Variants in EBF3 observed in about 807,000 individuals in gnomAD.
The protein encoded by EBF3 is EBF transcription factor 3.
EBF3 carries 18 observed loss-of-function variants against 77.1 expected under a neutral mutation model. The ratio of observed to expected loss-of-function variants is 0.23; its 90% CI spans 0.16 to 0.35. EBF3 has a LOEUF of 0.35. Ranked by LOEUF, EBF3 falls within the 10% of genes least tolerant of loss-of-function variation. The probability of loss-of-function intolerance (pLI) is 1.00; values close to 1 mark genes in which losing one functional copy is unlikely to be tolerated. For synonymous variants in EBF3, 350 were observed against 343.5 expected (o/e 1.02, Z -0.21); for missense variants, 558 against 860.0 (o/e 0.65, Z 4.39).
In EBF3 at chr10:129,887,816, G is replaced by A. The variant is rs545961077; in HGVS notation, c.555-9967C>T. ...TGCCAGCCCCAAGAAGAGAGGCGCC[G>A]CGGCCCTGATCTCCTTTCAGAGCGT... On this transcript the variant is annotated intron_variant, in intron 6 of 16. Transcript: ENST00000440978. Among the ~76,000 whole-genome samples, 11 of 152,178 alleles carry A rather than the reference G, an allele frequency of 7.2e-5. No individual in the cohort carries two copies. In the South Asian group the frequency reaches 2.1e-3, roughly 29 times the overall value.
chr10:129,951,638 C>T (rs1235477792), intron 6 of EBF3, among the ~76,000 whole-genome samples: 2 of 152,252 alleles, frequency 1.3e-5, no homozygotes, highest in East Asian at 1.9e-4. Context: ...CCATAAATCT[C>T]GCAGGCCTCC....
At chr10:129,928,290 T>G (rs1342396095) in intron 6 of EBF3, among the ~76,000 whole-genome samples, 3 of 152,190 alleles carry the variant, frequency 2.0e-5, no homozygotes, top group Non-Finnish European at 4.4e-5. Flanking sequence ...ATATAAAAAT[T>G]AATTATAAAC....
At chr10:129,957,464 A>T (rs934735441) in intron 5 of EBF3, 138 bp from the exon 6 acceptor site, 1 of 673,186 alleles carries the variant, frequency 1.5e-6, no homozygotes, top group Non-Finnish European at 2.5e-6. Context: ...ATTTAAACCC[A>T]GTGAGTTCAC....
rs568474321 is a variant in EBF3 at position 129,839,070 on chromosome 10, A to G, written c.1872+13T>C. ...CGGATGTTGTGAAGACAATGATTTC[A>G]AATCACTGATACCTTTCCAGTTCCT... On this transcript the variant is annotated intron_variant, in intron 16 of 16. Transcript: ENST00000440978. 110 of 1,304,462 alleles carry G rather than the reference A, an allele frequency of 8.4e-5. No individual in the cohort carries two copies. Among genetic ancestry groups the G allele is most frequent in the Non-Finnish European group, 1.1e-4 (108 of 988,982 alleles). The allele number at this position is 1,304,462 out of a possible 1,614,324, so 80.8% of individuals were successfully genotyped here. A position where few individuals can be genotyped will look rare whatever the true frequency, so the allele number is the denominator to read the frequency against.
In EBF3 at chr10:129,861,165, G is replaced by A. The variant is rs573519996; in HGVS notation, c.1039+5976C>T. ...TCATGGTTTGGGTTGATGCTGTGCCGTAGCAGTGGGGAGGACAGCGGTGGG... is the reference window on the plus strand; with the variant it reads ...TCATGGTTTGGGTTGATGCTGTGCCATAGCAGTGGGGAGGACAGCGGTGGG... On this transcript the variant is annotated intron_variant, in intron 10 of 16. Transcript: ENST00000440978. The surrounding 1 kb of genome is among the most constrained non-coding windows in gnomAD (Gnocchi z 4.3). 7.2e-5 allele frequency among the ~76,000 whole-genome samples: 11 copies of A among 152,274 alleles called. No homozygotes were observed. Among genetic ancestry groups the A allele is most frequent in the African/African-American group, 2.2e-4 (9 of 41,552 alleles).
intron 6 of EBF3, among the ~76,000 whole-genome samples, chr10:129,927,998 C>T (rs1406994983): frequency 6.6e-6 from 1 of 152,168 alleles, no homozygotes; most frequent in East Asian, 1.9e-4. Context: ...TTCTCCAGGC[C>T]CCCACTGTCT....
intron 6 of EBF3, among the ~76,000 whole-genome samples, chr10:129,904,393 T>C (rs16909986): frequency 0.094 from 14,345 of 152,202 alleles, 888 homozygotes; most frequent in East Asian, 0.24. Context: ...GCTATGAATA[T>C]GGAGATGGAT....
At chr10:129,853,616 G>T (rs1004378405) in intron 10 of EBF3, among the ~76,000 whole-genome samples, 1 of 152,212 alleles carries the variant, frequency 6.6e-6, no homozygotes, top group Non-Finnish European at 1.5e-5. Context: ...ATAAGATATA[G>T]TATATTTTAC....
chr10:129,868,090 A>G (rs1481115060), intron 8 of EBF3, among the ~76,000 whole-genome samples, 178 bp from the exon 9 acceptor site: 1 of 152,398 alleles, frequency 6.6e-6, no homozygotes. Flanking sequence ...AAACTATTAA[A>G]TGTTTTATAA....
At chr10:129,926,573 G>T (rs1406470380) in intron 6 of EBF3, among the ~76,000 whole-genome samples, 1 of 152,222 alleles carries the variant, frequency 6.6e-6, no homozygotes, top group Admixed American at 6.5e-5. Context: ...GGCTTGGGGG[G>T]TGGAGACAGC....
In EBF3 at chr10:129,885,839, T is replaced by G. The variant is rs1052134540; in HGVS notation, c.555-7990A>C. 2.6e-5 allele frequency among the ~76,000 whole-genome samples: 4 copies of G among 152,108 alleles called. No individual in the cohort carries two copies. Among genetic ancestry groups the G allele is most frequent in the Admixed American group, 6.5e-5 (1 of 15,272 alleles). On this transcript the variant is annotated intron_variant, in intron 6 of 16. Coordinates refer to ENST00000440978, the MANE Select transcript of EBF3 (RefSeq NM_001375380.1). This position sits in a 1 kb window ranked among gnomAD's most constrained non-coding sequence, Gnocchi z 4.0. ...ACTTGTTGCCAGCTCCAGGGGAGGC[T>G]TTTACAGGTTATGCAGAGATTAAGT...
chr10:129,865,747 A>G (rs1162799688), intron 10 of EBF3, among the ~76,000 whole-genome samples: 1 of 152,254 alleles, frequency 6.6e-6, no homozygotes, highest in Non-Finnish European at 1.5e-5. Flanking sequence ...AGAAGGGAAG[A>G]GGCTGAAGGA....
chr10:129,850,492 C>T (rs922175680), intron 10 of EBF3, among the ~76,000 whole-genome samples: 1 of 152,148 alleles, frequency 6.6e-6, no homozygotes, highest in Non-Finnish European at 1.5e-5. Context: ...CAAGAATAAG[C>T]GCGGCACTCC....
At chr10:129,840,192 C>T in intron 15 of EBF3, 53 bp downstream of exon 15, 1 of 773,792 alleles carries the variant, frequency 1.3e-6, no homozygotes, top group Non-Finnish European at 2.1e-6. Flanking sequence ...CCACTCCCAT[C>T]CCCACCCCTG....
At chr10:129,913,454 T>C (rs1489956693) in intron 6 of EBF3, among the ~76,000 whole-genome samples, 2 of 152,226 alleles carry the variant, frequency 1.3e-5, no homozygotes, top group African/African-American at 4.8e-5. Context: ...CTTGGATGAA[T>C]AAACATGGAT....
chr10:129,964,181 G>C lies in EBF3; in HGVS notation c.-413C>G, dbSNP rs1015418592. 1.0e-6 allele frequency: 1 copy of C among 984,802 alleles called. No individual in the cohort carries two copies. Among genetic ancestry groups the C allele is most frequent in the Admixed American group, 6.2e-5 (1 of 16,226 alleles). The allele number at this position is 984,802 out of a possible 1,614,324, so 61.0% of individuals were successfully genotyped here. ...TAAACGGGGCAGTGAGTGCTGCGGC[G>C]CAGTCCCGGGCGCAGGCGGGGCGCG... is the stretch of plus-strand genomic sequence containing the variant. On this transcript the variant is annotated 5_prime_UTR_variant, in exon 1 of 17. Coordinates refer to ENST00000440978, the MANE Select transcript of EBF3 (RefSeq NM_001375380.1). The surrounding 1 kb of genome is among the most constrained non-coding windows in gnomAD (Gnocchi z 4.5).
chr10:129,840,519 T>C, intron 14 of EBF3, 77 bp from the exon 15 acceptor site: 2 of 1,474,116 alleles, frequency 1.4e-6, no homozygotes, highest in Non-Finnish European at 1.8e-6. Flanking sequence ...AGGCCTCGCC[T>C]CGGACGGGGG....
At chr10:129,959,597 C>T (rs1859330488) in intron 4 of EBF3, among the ~76,000 whole-genome samples, 1 of 151,946 alleles carries the variant, frequency 6.6e-6, no homozygotes, top group African/African-American at 2.4e-5. Context: ...CCGCGGCTTC[C>T]CGCGGCTTCC....
chr10:129,848,349 G>A lies in EBF3; in HGVS notation c.1128+43C>T, dbSNP rs1453694649. ...CCCCCAAACCAGAACCAGCCCAGTG[G>A]CGGCCCCACCATGAGCGGGGTGCCA... is the stretch of plus-strand genomic sequence containing the variant. On this transcript the variant is annotated intron_variant, in intron 11 of 16. Transcript: ENST00000440978. The surrounding 1 kb of genome is among the most constrained non-coding windows in gnomAD (Gnocchi z 4.4). The A allele has an allele frequency of 6.3e-7, 1 of 1,594,816 alleles. No homozygotes were observed. Among genetic ancestry groups the A allele is most frequent in the African/African-American group, 1.3e-5 (1 of 74,508 alleles).
Sources: gnomAD v4.1 joint callset for allele counts (sites outside exome capture counted in the v4.1 genomes callset) on GRCh38, gnomAD v4.1.1 for gene constraint, Gnocchi (gnomAD v3.1) non-coding constraint, MANE v1.5 for transcripts, NCBI Gene and HGNC (gene_info 2026-07-23, HGNC 2026-07-21) for gene names.